Variants in SCHIP1 observed in about 807,000 individuals in gnomAD.
SCHIP1 encodes the protein schwannomin interacting protein 1.
SCHIP1 carries 8 observed loss-of-function variants against 29.7 expected under a neutral mutation model. That is an observed-to-expected ratio of 0.27 (90% CI 0.16 to 0.49). SCHIP1 has a LOEUF of 0.49. SCHIP1 is among the 20% of genes least tolerant of loss of function. The pLI, the probability that SCHIP1 is intolerant of heterozygous loss-of-function variation, is 0.99. For synonymous variants in SCHIP1, 76 were observed against 94.9 expected (o/e 0.80, Z 1.16); for missense variants, 193 against 294.6 (o/e 0.66, Z 2.52).
At chr3:159,819,867 G>T in the SCHIP1 span, among the ~76,000 whole-genome samples, 1 of 152,200 alleles carries the variant, frequency 6.6e-6, no homozygotes, top group Non-Finnish European at 1.5e-5. Context: ...TTCTTCTGCA[G>T]GTGCTTCCAT....
At chr3:159,596,278 T>A in the SCHIP1 span, among the ~76,000 whole-genome samples, 1 of 152,096 alleles carries the variant, frequency 6.6e-6, no homozygotes, top group Non-Finnish European at 1.5e-5. Flanking sequence ...AGAATGGTGA[T>A]CATTAAAAAG....
chr3:159,414,460 G>C, the SCHIP1 span, among the ~76,000 whole-genome samples: 1 of 152,168 alleles, frequency 6.6e-6, no homozygotes, highest in Non-Finnish European at 1.5e-5. Flanking sequence ...CTTTCCAGGT[G>C]CTCTCCTTTT....
upstream of SCHIP1, among the ~76,000 whole-genome samples, chr3:159,837,258 A>T (rs923938452): frequency 1.3e-5 from 2 of 152,240 alleles, no homozygotes; most frequent in African/African-American, 4.8e-5. Context: ...TCTTAGGGTC[A>T]TAGATTGTCA....
the SCHIP1 span, among the ~76,000 whole-genome samples, chr3:159,493,806 T>G: frequency 6.6e-6 from 1 of 152,198 alleles, no homozygotes; most frequent in Non-Finnish European, 1.5e-5. Context: ...TACATTCTTC[T>G]CAGCACCACA....
At chr3:159,434,526 C>T in the SCHIP1 span, among the ~76,000 whole-genome samples, 92 of 152,092 alleles carry the variant, frequency 6.0e-4, 1 homozygote, top group Non-Finnish European at 9.9e-4. Flanking sequence ...CACTGGGTTT[C>T]CCCTAAAGGT....
At chr3:159,333,646 C>T in the SCHIP1 span, among the ~76,000 whole-genome samples, 1 of 152,184 alleles carries the variant, frequency 6.6e-6, no homozygotes, top group Non-Finnish European at 1.5e-5. Context: ...AAGACTACTC[C>T]TACACATATG....
At chr3:159,449,332 A>G in the SCHIP1 span, among the ~76,000 whole-genome samples, 10 of 152,178 alleles carry the variant, frequency 6.6e-5, no homozygotes, top group Non-Finnish European at 1.2e-4. Context: ...AGACATGGCA[A>G]TAAATGCAGA....
At chr3:159,621,538 C>T in the SCHIP1 span, among the ~76,000 whole-genome samples, 1 of 152,168 alleles carries the variant, frequency 6.6e-6, no homozygotes, top group Admixed American at 6.5e-5. Context: ...CCATTGTGTT[C>T]CCCAATGAGG....
chr3:159,595,556 A>G, the SCHIP1 span, among the ~76,000 whole-genome samples: 1 of 152,166 alleles, frequency 6.6e-6, no homozygotes, highest in Non-Finnish European at 1.5e-5. Flanking sequence ...AAAACACAAG[A>G]CAATGGTCAG....
the SCHIP1 span, among the ~76,000 whole-genome samples, chr3:159,479,484 C>T: frequency 6.6e-6 from 1 of 152,140 alleles, no homozygotes; most frequent in Non-Finnish European, 1.5e-5. Context: ...ATTCCAAAGG[C>T]TGTCAATTTT....
intron 1 of SCHIP1, among the ~76,000 whole-genome samples, chr3:159,847,750 C>A (rs969514758): frequency 6.6e-6 from 1 of 152,164 alleles, no homozygotes; most frequent in Non-Finnish European, 1.5e-5. Context: ...CACCTCCCCA[C>A]CCCACACTTT....
At chr3:159,597,790 C>T in the SCHIP1 span, among the ~76,000 whole-genome samples, 8 of 152,256 alleles carry the variant, frequency 5.3e-5, no homozygotes, top group Non-Finnish European at 1.2e-4. Context: ...TGGGTTGATA[C>T]TCAGTAATGA....
At chr3:159,583,689 G>A in the SCHIP1 span, among the ~76,000 whole-genome samples, 627 of 152,254 alleles carry the variant, frequency 4.1e-3, 7 homozygotes, top group African/African-American at 0.014. Context: ...GGCCTGATAT[G>A]CCTTAGTCAT....
the SCHIP1 span, among the ~76,000 whole-genome samples, chr3:159,545,992 T>C: frequency 5.4e-4 from 82 of 152,146 alleles, 1 homozygote; most frequent in African/African-American, 2.0e-3. Flanking sequence ...TTTTATAAGA[T>C]GTATTTATAG....
chr3:159,401,569 A>G, the SCHIP1 span: 1 of 158,642 alleles, frequency 6.3e-6, no homozygotes, highest in African/African-American at 2.4e-5. Context: ...AACTTATTCA[A>G]GTACAATCAG....
the SCHIP1 span, among the ~76,000 whole-genome samples, chr3:159,435,513 T>C: frequency 6.6e-6 from 1 of 152,118 alleles, no homozygotes; most frequent in South Asian, 2.1e-4. Flanking sequence ...TGAGCTCTTG[T>C]TTTAGTGTGT....
chr3:159,868,943 C>G (rs951051607), intron 2 of SCHIP1, among the ~76,000 whole-genome samples: 1 of 151,960 alleles, frequency 6.6e-6, no homozygotes, highest in African/African-American at 2.4e-5. Context: ...GGATCCATAA[C>G]GTTACTAACA....
chr3:159,417,248 G>A, the SCHIP1 span, among the ~76,000 whole-genome samples: 6 of 152,300 alleles, frequency 3.9e-5, no homozygotes, highest in African/African-American at 1.4e-4. Context: ...CAAGTCATTA[G>A]CACAAGGATC....
At chr3:159,704,947 T>G in the SCHIP1 span, among the ~76,000 whole-genome samples, 2 of 149,672 alleles carry the variant, frequency 1.3e-5, no homozygotes, top group Non-Finnish European at 3.0e-5. Flanking sequence ...TTTCCTTTCT[T>G]TCTTTCTTTT....
Sources: gnomAD v4.1 joint callset for allele counts (sites outside exome capture counted in the v4.1 genomes callset) on GRCh38, gnomAD v4.1.1 for gene constraint, MANE v1.5 for transcripts, NCBI Gene and HGNC (gene_info 2026-07-23, HGNC 2026-07-21) for gene names.